OR4C16: variants seen among roughly 807,000 people sequenced by gnomAD.
OR4C16 encodes olfactory receptor 4C16.
A neutral mutation model predicts 14.4 loss-of-function variants in OR4C16; 24 were observed. The observed-to-expected ratio is 1.66, with a 90% CI of 1.21 to 2.34. The LOEUF (loss-of-function observed/expected upper bound fraction) is 2.34. Among genes scored for constraint, OR4C16 ranks in the 30% most tolerant of loss-of-function variants. OR4C16 has a pLI of 0.00. For synonymous variants in OR4C16, 233 were observed against 133.5 expected, an observed-to-expected ratio of 1.75 and a Z score of -5.14; for missense variants, 674 against 364.2, an observed-to-expected ratio of 1.85 and a Z score of -6.92.
rs1038047375 is a variant in OR4C16 at position 55,572,410 on chromosome 11, T to A, written c.283T>A (p.Cys95Ser). Residue 95 changes from cysteine (C) to serine (S), a missense_variant, in exon 1 of 1, where the codon TGC (cysteine) becomes AGC (serine). Coordinates refer to ENST00000623907, the MANE Select transcript of OR4C16 (RefSeq NM_001004701.2). ...LKKTTISFSE[C>S]MIQVFSSHVF... ...GAAGACAACTATCTCCTTCAGCGAG[T>A]GCATGATCCAAGTCTTTTCATCCCA... The A allele has an allele frequency of 6.2e-7, 1 of 1,613,928 alleles. No homozygotes were observed. Among genetic ancestry groups the A allele is most frequent in the Non-Finnish European group, 8.5e-7 (1 of 1,179,996 alleles).
chr11:55,572,447 G>C lies in OR4C16; in HGVS notation c.320G>C (p.Cys107Ser). ...GTCTTTTCATCCCATGTCTTTGGCT[G>C]CCTGGAGATCTTCATCCTCATCCTC... is the stretch of plus-strand genomic sequence containing the variant. Reference protein sequence around the residue: ...IQVFSSHVFGCLEIFILILTA... With the variant: ...IQVFSSHVFGSLEIFILILTA... The change falls in exon 1 of 1, where the codon TGC (cysteine) becomes TCC (serine). Residue 107 changes from cysteine (C) to serine (S), a missense_variant. Physicochemically the swap from Cys to Ser is moderately radical, Grantham distance 112 (BLOSUM62 -1). Transcript: ENST00000623907. 6.2e-7 allele frequency: 1 copy of C among 1,614,044 alleles called. No homozygotes were observed. Among genetic ancestry groups the C allele is most frequent in the African/African-American group, 1.3e-5 (1 of 74,994 alleles).
rs766837037 is a variant in OR4C16, at chr11:55,572,896, A to T, written c.769A>T (p.Thr257Ser). 14 of 1,613,802 alleles carry T rather than the reference A, an allele frequency of 8.7e-6. No homozygotes were observed. The East Asian group carries it at 2.5e-4, about 28-fold the overall frequency. Residue 257 changes from threonine (T) to serine (S), a missense_variant, in exon 1 of 1, where the codon ACA becomes TCA. Physicochemically the swap from Thr to Ser is moderately conservative, Grantham distance 58. Coordinates refer to ENST00000623907, the MANE Select transcript of OR4C16 (RefSeq NM_001004701.2). ...LFFGPCIFMYTCLATVFPMDK... is the reference protein window; with the variant it reads ...LFFGPCIFMYSCLATVFPMDK... ...CTTTGGACCTTGCATATTTATGTAC[A>T]CATGCCTTGCAACCGTATTCCCCAT...
Position 55,572,788 on chromosome 11 carries a change from C to T in OR4C16, c.661C>T (p.His221Tyr), listed in dbSNP as rs755079653. The stretch of plus-strand genomic sequence containing the variant: ...AATATTCTCCTATGTCATCTTCTTG[C>T]ATTCTCTGAGAAACCACAGTGCTGA... ...MLIFSYVIFL[H>Y]SLRNHSAEVI... Residue 221 changes from histidine to tyrosine, a missense_variant, in exon 1 of 1, where the codon CAT (histidine) becomes TAT (tyrosine). Physicochemically the swap from His to Tyr is moderately conservative, Grantham distance 83. Transcript: ENST00000623907. 12 of 1,614,112 alleles carry T rather than the reference C, an allele frequency of 7.4e-6. No individual in the cohort carries two copies. In the East Asian group the frequency reaches 2.2e-4, roughly 30 times the overall value.
In OR4C16 at chr11:55,572,538, G is replaced by T; in HGVS notation, c.411G>T (p.Trp137Cys). 1.2e-6 allele frequency: 2 copies of T among 1,613,996 alleles called. No homozygotes were observed. Among genetic ancestry groups the T allele is most frequent in the Non-Finnish European group, 1.7e-6 (2 of 1,180,006 alleles). Residue 137 changes from tryptophan to cysteine, a missense_variant, in exon 1 of 1, where the codon TGG (tryptophan) becomes TGT (cysteine). Transcript: ENST00000623907. ...PLHYMTIISQ[W>C]VCGVLMAVAW... Reference sequence around the variant, plus strand: ...ACTACATGACCATCATAAGCCAGTGGGTCTGTGGTGTTTTGATGGCTGTGG... The same window carrying T: ...ACTACATGACCATCATAAGCCAGTGTGTCTGTGGTGTTTTGATGGCTGTGG...
In OR4C16 at chr11:55,572,870, T is replaced by C. The variant is rs778077141; in HGVS notation, c.743T>C (p.Phe248Ser). The C allele has an allele frequency of 1.2e-6, 2 of 1,614,000 alleles. No individual in the cohort carries two copies. Among genetic ancestry groups the C allele is most frequent in the Non-Finnish European group, 1.7e-6 (2 of 1,179,904 alleles). The change falls in exon 1 of 1, where the codon TTC becomes TCC. Residue 248 changes from phenylalanine (F) to serine (S), a missense_variant. Physicochemically the swap from Phe to Ser is radical, Grantham distance 155. Transcript: ENST00000623907. ...TCCCACATCATTGTGGTCATCTTGTTCTTTGGACCTTGCATATTTATGTAC... is the reference window on the plus strand; with the variant it reads ...TCCCACATCATTGTGGTCATCTTGTCCTTTGGACCTTGCATATTTATGTAC... ...CVSHIIVVIL[F>S]FGPCIFMYTC...
In OR4C16 at chr11:55,572,216, T is replaced by G; in HGVS notation, c.89T>G (p.Leu30Trp). 6.2e-7 allele frequency: 1 copy of G among 1,611,460 alleles called. No individual in the cohort carries two copies. The highest frequency in any genetic ancestry group is 8.5e-7 in the Non-Finnish European group (1 of 1,177,722). ...FWKKIVFVIF[L>W]RLYLGTLLGN... ...AAGAAAATAGTGTTTGTTATTTTTT[T>G]GCGTCTCTACTTGGGAACACTGTTG... is the stretch of plus-strand genomic sequence containing the variant. Residue 30 changes from leucine (L) to tryptophan (W), a missense_variant, in exon 1 of 1, where the codon TTG becomes TGG. Leu to Trp is a moderately conservative substitution (Grantham distance 61). Coordinates refer to ENST00000623907, the MANE Select transcript of OR4C16 (RefSeq NM_001004701.2).
chr11:55,572,195 A>T lies in OR4C16; in HGVS notation c.68A>T (p.Lys23Ile). 1 of 1,612,212 alleles carries T rather than the reference A, an allele frequency of 6.2e-7. No homozygotes were observed. Among genetic ancestry groups the T allele is most frequent in the Non-Finnish European group, 8.5e-7 (1 of 1,178,472 alleles). Residue 23 changes from lysine to isoleucine, a missense_variant, in exon 1 of 1, where the codon AAA becomes ATA. Physicochemically the swap from Lys to Ile is moderately radical, Grantham distance 102 (BLOSUM62 -3). Coordinates refer to ENST00000623907, the MANE Select transcript of OR4C16 (RefSeq NM_001004701.2). ...TTGACACAGGATCCTTTTTGGAAGA[A>T]AATAGTGTTTGTTATTTTTTTGCGT... ...LGLTQDPFWK[K>I]IVFVIFLRLY...
At position 55,572,745 on chromosome 11, in the gene OR4C16, A is replaced by G. The variant is rs769454581; in HGVS notation, c.618A>G (p.Ala206=). The part of the protein sequence containing the change: ...LLVSNSGAIC[A]VSYVMLIFSY... The stretch of plus-strand genomic sequence containing the variant: ...TTTCCAATAGTGGGGCCATTTGTGC[A>G]GTGAGTTATGTCATGCTAATATTCT... Residue 206 remains alanine, a synonymous_variant, in exon 1 of 1, where the codon GCA becomes GCG. Transcript: ENST00000623907. 8.7e-6 allele frequency: 14 copies of G among 1,613,944 alleles called. 1 individual carries two copies. The South Asian group carries it at 1.5e-4, about 18-fold the overall frequency.
rs533014415 is a variant in OR4C16, at chr11:55,572,363, T to A, written c.236T>A (p.Met79Lys). 2.3e-5 allele frequency: 37 copies of A among 1,613,728 alleles called. No homozygotes were observed. Among genetic ancestry groups the A allele is most frequent in the East Asian group, 6.7e-5 (3 of 44,872 alleles). ...CTCTCTACTTCCATAACCCCTAGAA[T>A]GATTGTGGATGCCCTTTTGAAGAAG... is the stretch of plus-strand genomic sequence containing the variant. ...TCLSTSITPR[M>K]IVDALLKKTT... is the part of the protein sequence containing the mutation. Residue 79 changes from methionine to lysine, a missense_variant, in exon 1 of 1, where the codon ATG becomes AAG. Transcript: ENST00000623907.
In OR4C16 at chr11:55,572,627, G is replaced by T. The variant is rs1403183238; in HGVS notation, c.500G>T (p.Cys167Phe). 1 of 1,614,152 alleles carries T rather than the reference G, an allele frequency of 6.2e-7. No homozygotes were observed. The highest frequency in any genetic ancestry group is 8.5e-7 in the Non-Finnish European group (1 of 1,180,024). The change falls in exon 1 of 1, where the codon TGT (cysteine) becomes TTT (phenylalanine). Residue 167 changes from cysteine to phenylalanine, a missense_variant. By Grantham distance (205) the Cys-to-Phe change is radical. Transcript: ENST00000623907. ...QIFLALSLPF[C>F]GPNVINHCFC... ...TTTCTTGCCCTGAGTTTGCCATTCTGTGGCCCCAATGTGATCAATCACTGT... is the reference window on the plus strand; with the variant it reads ...TTTCTTGCCCTGAGTTTGCCATTCTTTGGCCCCAATGTGATCAATCACTGT...
rs374191202 is a variant in OR4C16, at chr11:55,572,219, G to C, written c.92G>C (p.Arg31Pro). ...WKKIVFVIFLRLYLGTLLGNL... is the reference protein window; with the variant it reads ...WKKIVFVIFLPLYLGTLLGNL... ...AAAATAGTGTTTGTTATTTTTTTGC[G>C]TCTCTACTTGGGAACACTGTTGGGT... The change falls in exon 1 of 1, where the codon CGT (arginine) becomes CCT (proline). Residue 31 changes from arginine to proline, a missense_variant. By Grantham distance (103) the Arg-to-Pro change is moderately radical. Coordinates refer to ENST00000623907, the MANE Select transcript of OR4C16 (RefSeq NM_001004701.2). 1.2e-5 allele frequency: 20 copies of C among 1,610,278 alleles called. No homozygotes were observed. In the African/African-American group the frequency reaches 2.0e-4, roughly 16 times the overall value.
rs1467575955 is a variant in OR4C16 at position 55,572,579 on chromosome 11, G to C, written c.452G>C (p.Cys151Ser). The C allele has an allele frequency of 1.2e-6, 2 of 1,613,988 alleles. No homozygotes were observed. Among genetic ancestry groups the C allele is most frequent in the Non-Finnish European group, 1.7e-6 (2 of 1,180,024 alleles). The stretch of plus-strand genomic sequence containing the variant: ...ATGGCTGTGGCCTGGGTGGGATCCT[G>C]TGTGCATTCTTTAGTTCAGATTTTT... The part of the protein sequence containing the change: ...VLMAVAWVGS[C>S]VHSLVQIFLA... Residue 151 changes from cysteine to serine, a missense_variant, in exon 1 of 1, where the codon TGT becomes TCT. Cys to Ser is a moderately radical substitution (Grantham distance 112). Transcript: ENST00000623907.
Position 55,572,877 on chromosome 11 carries a change from A to G in OR4C16, c.750A>G (p.Gly250=). 1 of 1,613,836 alleles carries G rather than the reference A, an allele frequency of 6.2e-7. No homozygotes were observed. Among genetic ancestry groups the G allele is most frequent in the Non-Finnish European group, 8.5e-7 (1 of 1,179,840 alleles). The change falls in exon 1 of 1, where the codon GGA becomes GGG. Residue 250 remains glycine, a synonymous_variant. Coordinates refer to ENST00000623907, the MANE Select transcript of OR4C16 (RefSeq NM_001004701.2). The part of the protein sequence containing the change: ...SHIIVVILFF[G]PCIFMYTCLA... ...TCATTGTGGTCATCTTGTTCTTTGG[A>G]CCTTGCATATTTATGTACACATGCC...
chr11:55,572,469 C>A lies in OR4C16; in HGVS notation c.342C>A (p.Ile114=). ...VFGCLEIFIL[I]LTAVDRYVDI... ...GCTGCCTGGAGATCTTCATCCTCAT[C>A]CTCACGGCTGTTGACCGCTATGTGG... is the stretch of plus-strand genomic sequence containing the variant. The change falls in exon 1 of 1, where the codon ATC becomes ATA. Residue 114 remains isoleucine (I), a synonymous_variant. Transcript: ENST00000623907. The A allele has an allele frequency of 6.2e-7, 1 of 1,614,048 alleles. No homozygotes were observed. The highest frequency in any genetic ancestry group is 8.5e-7 in the Non-Finnish European group (1 of 1,179,926).
chr11:55,572,154 G>A lies in OR4C16; in HGVS notation c.27G>A (p.Glu9=), dbSNP rs1809997184. 6.2e-7 allele frequency: 1 copy of A among 1,610,316 alleles called. No individual in the cohort carries two copies. The highest frequency in any genetic ancestry group is 8.5e-7 in the Non-Finnish European group (1 of 1,177,450). The change falls in exon 1 of 1, where the codon GAG becomes GAA. Residue 9 remains glutamate, a synonymous_variant. Coordinates refer to ENST00000623907, the MANE Select transcript of OR4C16 (RefSeq NM_001004701.2). ...TGCAACTGAATAATAATGTGACTGA[G>A]TTCATTCTGCTTGGATTGACACAGG... MQLNNNVT[E]FILLGLTQDP...
At position 55,572,810 on chromosome 11, in the gene OR4C16, C is replaced by T. The variant is rs777363136; in HGVS notation, c.683C>T (p.Ala228Val). 1.1e-4 allele frequency: 172 copies of T among 1,613,888 alleles called. 2 individuals carry two copies. In the South Asian group the frequency reaches 1.8e-3, roughly 17 times the overall value. ...IFLHSLRNHS[A>V]EVIKKALSTC... ...TTGCATTCTCTGAGAAACCACAGTG[C>T]TGAAGTGATAAAGAAAGCACTTTCC... The change falls in exon 1 of 1, where the codon GCT (alanine) becomes GTT (valine). Residue 228 changes from alanine to valine, a missense_variant. Transcript: ENST00000623907.
chr11:55,572,132 A>T lies in OR4C16; in HGVS notation c.5A>T (p.Gln2Leu). ...TTCACCTCACTCACGAAAACCATGC[A>T]ACTGAATAATAATGTGACTGAGTTC... MQLNNNVTEFIL... is the reference protein window; with the variant it reads MLLNNNVTEFIL... Residue 2 changes from glutamine (Q) to leucine (L), a missense_variant, in exon 1 of 1, where the codon CAA becomes CTA. Physicochemically the swap from Gln to Leu is moderately radical, Grantham distance 113. Transcript: ENST00000623907. 6.3e-7 allele frequency: 1 copy of T among 1,596,114 alleles called. No homozygotes were observed. Among genetic ancestry groups the T allele is most frequent in the East Asian group, 2.2e-5 (1 of 44,720 alleles).
rs1195100836 is a variant in OR4C16 at position 55,572,138 on chromosome 11, A to G, written c.11A>G (p.Asn4Ser). ...TCACTCACGAAAACCATGCAACTGA[A>G]TAATAATGTGACTGAGTTCATTCTG... MQL[N>S]NNVTEFILLG... The change falls in exon 1 of 1, where the codon AAT becomes AGT. Residue 4 changes from asparagine (N) to serine (S), a missense_variant. Asn to Ser is a conservative substitution (Grantham distance 46, BLOSUM62 1). Transcript: ENST00000623907. 1.9e-6 allele frequency: 3 copies of G among 1,603,482 alleles called. No homozygotes were observed. The highest frequency in any genetic ancestry group is 1.7e-6 in the Non-Finnish European group (2 of 1,172,076).
Position 55,572,946 on chromosome 11 carries a change from T to A in OR4C16, c.819T>A (p.Tyr273Ter), listed in dbSNP as rs762936419. 14 of 1,613,114 alleles carry A rather than the reference T, an allele frequency of 8.7e-6. No homozygotes were observed. The highest frequency in any genetic ancestry group is 3.4e-6 in the Non-Finnish European group (4 of 1,179,240). ...TGGATAAGATGATAGCTGTATTTTATACAGTTGGAACATCTTTTCTCAACC... is the reference window on the plus strand; with the variant it reads ...TGGATAAGATGATAGCTGTATTTTAAACAGTTGGAACATCTTTTCTCAACC... ...FPMDKMIAVFYTVGTSFLNPV... is the reference protein window; with the variant it reads ...FPMDKMIAVF Residue 273 changes from tyrosine (Y) to a stop codon, truncating the protein, a stop_gained, in exon 1 of 1, where the codon TAT becomes TAA. Coordinates refer to ENST00000623907, the MANE Select transcript of OR4C16 (RefSeq NM_001004701.2). LOFTEE classifies it high-confidence loss of function.
Sources: allele counts gnomAD v4.1 joint callset, GRCh38; gene constraint gnomAD v4.1.1; transcripts MANE v1.5; gene names NCBI Gene and HGNC (gene_info 2026-07-23, HGNC 2026-07-21).